The following ANKFN1 variants were observed in gnomAD, a reference collection of about 807,000 sequenced individuals.
ANKFN1 encodes the protein ankyrin repeat and fibronectin type III domain containing 1.
Under a neutral mutation model 108.7 loss-of-function variants are expected in ANKFN1, and 74 were observed. The ratio of observed to expected loss-of-function variants is 0.68; its 90% CI spans 0.56 to 0.83. ANKFN1 has a LOEUF of 0.83. Among genes scored for constraint, ANKFN1 ranks in the 40% least tolerant of loss-of-function variants. The probability of loss-of-function intolerance (pLI) is 0.00; values close to 1 mark genes in which losing one functional copy is unlikely to be tolerated. For synonymous variants in ANKFN1, 547 were observed against 516.2 expected (o/e 1.06, Z -0.81); for missense variants, 1,505 against 1,382.3 (o/e 1.09, Z -1.41).
At chr17:56,388,694 A>C (rs749071334) in intron 8 of ANKFN1, among the ~76,000 whole-genome samples, 123 of 152,138 alleles carry the variant, frequency 8.1e-4, no homozygotes, top group Non-Finnish European at 6.3e-4. Context: ...ATTTACAATC[A>C]ACATATTCTC....
At chr17:56,283,282 G>A (rs1033999152) in intron 3 of ANKFN1, among the ~76,000 whole-genome samples, 3 of 151,970 alleles carry the variant, frequency 2.0e-5, no homozygotes, top group African/African-American at 7.3e-5. Context: ...ACATGATCTC[G>A]AGGGAATGTA....
intron 1 of ANKFN1, among the ~76,000 whole-genome samples, chr17:56,156,341 G>A (rs72829754): frequency 0.29 from 44,770 of 152,062 alleles, 8,061 homozygotes; most frequent in South Asian, 0.42. Flanking sequence ...ACCCACCTTG[G>A]CCTCCCAAAG....
rs556350355 is a variant in ANKFN1, at chr17:56,410,347, G to A, written c.911-29980G>A. ...CTTGACCTCATGATCCGCCCACCTCGGCCTCCCAAAGTGCTGGGATTACAG... is the reference window on the plus strand; with the variant it reads ...CTTGACCTCATGATCCGCCCACCTCAGCCTCCCAAAGTGCTGGGATTACAG... On this transcript the variant is annotated intron_variant, in intron 8 of 20. Coordinates refer to ENST00000682825, the MANE Select transcript of ANKFN1 (RefSeq NM_001370326.1). 5.3e-5 allele frequency among the ~76,000 whole-genome samples: 8 copies of A among 152,108 alleles called. No homozygotes were observed. In the South Asian group the frequency reaches 1.5e-3, roughly 28 times the overall value.
chr17:56,490,879 A>G (rs2051014676), intron 18 of ANKFN1, among the ~76,000 whole-genome samples: 1 of 152,180 alleles, frequency 6.6e-6, no homozygotes, highest in East Asian at 1.9e-4. Flanking sequence ...TTCTACTTCC[A>G]TGGAAGGAAA....
At chr17:56,140,098 G>C (rs1159371057) in intron 4 of ANKFN1, among the ~76,000 whole-genome samples, 1 of 152,156 alleles carries the variant, frequency 6.6e-6, no homozygotes, top group African/African-American at 2.4e-5. Flanking sequence ...CAATCATCTC[G>C]AACTCAAAAC....
intron 1 of ANKFN1, among the ~76,000 whole-genome samples, chr17:56,177,857 A>G (rs1005651062): frequency 6.6e-6 from 1 of 152,098 alleles, no homozygotes; most frequent in African/African-American, 2.4e-5. Context: ...CCTGGGATTT[A>G]TTTTAATACA....
intron 14 of ANKFN1, among the ~76,000 whole-genome samples, chr17:56,465,303 A>G (rs184278163): frequency 2.0e-5 from 3 of 152,304 alleles, no homozygotes; most frequent in African/African-American, 7.2e-5. Flanking sequence ...TATTTATGAA[A>G]TTCCTTATTT....
At chr17:56,198,565 C>T (rs1913734818) in intron 1 of ANKFN1, among the ~76,000 whole-genome samples, 1 of 152,174 alleles carries the variant, frequency 6.6e-6, no homozygotes, top group Non-Finnish European at 1.5e-5. Context: ...GGGTTGGGGA[C>T]CCCTGAGCTA....
rs189525793 is a variant in ANKFN1 at position 56,459,345 on chromosome 17, A to G, written c.1557+1366A>G. ...AGGCTGGTCTCGAACTCCTGACCTCAAGTGATCCACCTGCCTCGGCCTCCC... is the reference window on the plus strand; with the variant it reads ...AGGCTGGTCTCGAACTCCTGACCTCGAGTGATCCACCTGCCTCGGCCTCCC... On this transcript the variant is annotated intron_variant, in intron 14 of 20. Coordinates refer to ENST00000682825, the MANE Select transcript of ANKFN1 (RefSeq NM_001370326.1). 2.7e-3 allele frequency among the ~76,000 whole-genome samples: 410 copies of G among 152,212 alleles called. 1 individual carries two copies. Among genetic ancestry groups the G allele is most frequent in the African/African-American group, 9.3e-3 (386 of 41,520 alleles).
At chr17:56,330,787 A>G (rs948733965) in intron 4 of ANKFN1, among the ~76,000 whole-genome samples, 3 of 152,202 alleles carry the variant, frequency 2.0e-5, no homozygotes, top group Admixed American at 6.5e-5. Context: ...TAGATCATCC[A>G]TAAGTATTTG....
intron 1 of ANKFN1, among the ~76,000 whole-genome samples, chr17:56,170,807 T>TACATAC (rs1910619323): frequency 1.6e-5 from 1 of 61,452 alleles, no homozygotes; most frequent in Non-Finnish European, 2.8e-5. Context: ...TATATATATA[T>TACATAC]ACACACACAC....
intron 4 of ANKFN1, among the ~76,000 whole-genome samples, chr17:56,120,350 G>T (rs750717555): frequency 6.6e-6 from 1 of 151,980 alleles, no homozygotes; most frequent in African/African-American, 2.4e-5. Flanking sequence ...ATCACCCTTC[G>T]GACTTGATCT....
chr17:56,313,011 C>T (rs941121886), intron 3 of ANKFN1, among the ~76,000 whole-genome samples: 4 of 151,892 alleles, frequency 2.6e-5, no homozygotes, highest in Admixed American at 2.6e-4. Flanking sequence ...AAAAATTAGC[C>T]AGGCATGGTG....
intron 4 of ANKFN1, among the ~76,000 whole-genome samples, chr17:56,060,483 G>A (rs186566224): frequency 1.6e-4 from 24 of 152,238 alleles, no homozygotes; most frequent in East Asian, 1.2e-3. Flanking sequence ...TAGGAGTGGC[G>A]AGAGAGGGGA....
intron 8 of ANKFN1, among the ~76,000 whole-genome samples, chr17:56,375,996 C>T (rs1379267396): frequency 1.3e-5 from 2 of 152,162 alleles, no homozygotes; most frequent in Non-Finnish European, 2.9e-5. Flanking sequence ...AAAAGGAAAG[C>T]TATTTTCTGG....
rs563008537 is a variant in ANKFN1 at position 56,417,134 on chromosome 17, A to G, written c.911-23193A>G. Among the ~76,000 whole-genome samples, 7 of 152,278 alleles carry G rather than the reference A, an allele frequency of 4.6e-5. 1 individual carries two copies. In the South Asian group the frequency reaches 1.5e-3, roughly 32 times the overall value. On this transcript the variant is annotated intron_variant, in intron 8 of 20. Coordinates refer to ENST00000682825, the MANE Select transcript of ANKFN1 (RefSeq NM_001370326.1). ...AAAATAAAAATAGTTAGAAGGAATG[A>G]ATAAGACCTCGTATTTGATAGACAA...
At chr17:56,161,774 A>C (rs115730981) in intron 1 of ANKFN1, among the ~76,000 whole-genome samples, 2,758 of 152,332 alleles carry the variant, frequency 0.018, 81 homozygotes, top group African/African-American at 0.061. Flanking sequence ...AGTAAAAAAA[A>C]AAAATTCATG....
intron 8 of ANKFN1, among the ~76,000 whole-genome samples, chr17:56,402,152 T>G (rs1466069195): frequency 2.0e-5 from 3 of 152,142 alleles, no homozygotes; most frequent in Admixed American, 2.0e-4. Context: ...GTCTGTAGTT[T>G]TCTTTTTTGG....
chr17:56,231,721 T>A (rs1916749040), intron 3 of ANKFN1, among the ~76,000 whole-genome samples: 1 of 152,182 alleles, frequency 6.6e-6, no homozygotes, highest in African/African-American at 2.4e-5. Context: ...AAAAGGACAA[T>A]AAAGGTAATT....
Sources: gnomAD v4.1 joint callset for allele counts (sites outside exome capture counted in the v4.1 genomes callset) on GRCh38, gnomAD v4.1.1 for gene constraint, MANE v1.5 for transcripts, NCBI Gene and HGNC (gene_info 2026-07-23, HGNC 2026-07-21) for gene names.